FNIP1: variants seen among roughly 807,000 people sequenced by gnomAD.
FNIP1 encodes the protein folliculin interacting protein 1.
In FNIP1, 40 loss-of-function variants were observed where a neutral mutation model predicts 124.5. That is an observed-to-expected ratio of 0.32 (90% CI 0.25 to 0.42). The LOEUF (loss-of-function observed/expected upper bound fraction) is 0.42, where lower values mean the gene tolerates loss of function less well. Among genes scored for constraint, FNIP1 ranks in the 10% least tolerant of loss-of-function variants. The probability of loss-of-function intolerance (pLI) is 1.00; values close to 1 mark genes in which losing one functional copy is unlikely to be tolerated. For missense variants in FNIP1, 1,176 were observed against 1,403.7 expected (o/e 0.84, Z 2.59); for synonymous variants, 472 against 470.6 (o/e 1.00, Z -0.04).
intron 1 of FNIP1, among the ~76,000 whole-genome samples, chr5:131,775,834 A>G (rs1024480502): frequency 1.3e-5 from 2 of 152,032 alleles, no homozygotes; most frequent in African/African-American, 4.8e-5. Context: ...AGCCCTGTAG[A>G]GTTGTTTTGA....
intron 9 of FNIP1, among the ~76,000 whole-genome samples, chr5:131,705,598 T>C (rs1215445844): frequency 6.6e-6 from 1 of 152,060 alleles, no homozygotes; most frequent in East Asian, 1.9e-4. Context: ...TAAGTGCTGG[T>C]GAAGATATGG....
chr5:131,743,820 A>C (rs1770588183), intron 2 of FNIP1, among the ~76,000 whole-genome samples: 1 of 152,174 alleles, frequency 6.6e-6, no homozygotes, highest in Non-Finnish European at 1.5e-5. Flanking sequence ...GGAGAAACCA[A>C]AGTTTCTTGT....
intron 12 of FNIP1, among the ~76,000 whole-genome samples, chr5:131,678,677 T>C (rs928993119): frequency 1.6e-4 from 24 of 152,182 alleles, no homozygotes; most frequent in Non-Finnish European, 1.5e-5. Context: ...CCCAAAGTGC[T>C]GGGGTTACAG....
chr5:131,727,103 G>C (rs1416338029), intron 3 of FNIP1, among the ~76,000 whole-genome samples: 1 of 152,166 alleles, frequency 6.6e-6, no homozygotes, highest in African/African-American at 2.4e-5. Flanking sequence ...GTGATGTGTT[G>C]CTGAGAAGAA....
chr5:131,689,857 G>C (rs1768415867), intron 11 of FNIP1, among the ~76,000 whole-genome samples: 1 of 152,176 alleles, frequency 6.6e-6, no homozygotes, highest in African/African-American at 2.4e-5. Context: ...CCAGTTAAAA[G>C]GCAGAGAACC....
rs1768473443 is a variant in FNIP1 at position 131,691,319 on chromosome 5, A to G, written c.1202+7598T>C. 4.6e-5 allele frequency among the ~76,000 whole-genome samples: 7 copies of G among 152,344 alleles called. No individual in the cohort carries two copies. The South Asian group carries it at 1.4e-3, about 32-fold the overall frequency. ...AACTAAATGTGAATTCAACTTATCA[A>G]TACTTGTGAATGCAGCAAAAGGAGT... On this transcript the variant is annotated intron_variant, in intron 11 of 17. Coordinates refer to ENST00000510461, the MANE Select transcript of FNIP1 (RefSeq NM_133372.3).
At chr5:131,772,572 T>C (rs566845849) in intron 1 of FNIP1, among the ~76,000 whole-genome samples, 25 of 152,152 alleles carry the variant, frequency 1.6e-4, no homozygotes, top group Non-Finnish European at 3.4e-4. Context: ...AATTTCTCTA[T>C]CTTCTCCACC....
intron 17 of FNIP1, 121 bp downstream of exon 17, chr5:131,646,968 TA>T: frequency 1.3e-6 from 1 of 789,986 alleles, no homozygotes; most frequent in Non-Finnish European, 2.1e-6. Context: ...ACCTAAATGA[TA>T]ACAGCCTCCA....
At chr5:131,660,044 G>A (rs995273632) in intron 15 of FNIP1, among the ~76,000 whole-genome samples, 2 of 152,192 alleles carry the variant, frequency 1.3e-5, no homozygotes, top group Non-Finnish European at 2.9e-5. Context: ...CGGGGGCATC[G>A]TTGCCCGTGA....
Position 131,710,671 on chromosome 5 carries a change from A to G in FNIP1, c.623-10T>C. Reference sequence around the variant, plus strand: ...CAGAACTGTGAAAGACCTACATGGCAAAAACGTAAAATACACATGAAAGAG... The same window carrying G: ...CAGAACTGTGAAAGACCTACATGGCGAAAACGTAAAATACACATGAAAGAG... On this transcript the variant is annotated splice_polypyrimidine_tract_variant and intron_variant, in intron 6 of 17. Transcript: ENST00000510461. The G allele has an allele frequency of 6.2e-7, 1 of 1,612,280 alleles. No individual in the cohort carries two copies.
At chr5:131,739,837 A>AAAG (rs1561683746) in intron 2 of FNIP1, among the ~76,000 whole-genome samples, 2 of 150,146 alleles carry the variant, frequency 1.3e-5, no homozygotes, top group African/African-American at 4.9e-5. Context: ...AAAAAAAAAA[A>AAAG]CACTGTTTTA....
At chr5:131,738,718 C>G (rs1417305209) in intron 2 of FNIP1, among the ~76,000 whole-genome samples, 1 of 151,834 alleles carries the variant, frequency 6.6e-6, no homozygotes, top group African/African-American at 2.4e-5. Context: ...GTTGGCCAGG[C>G]TGGTCTTGAA....
rs910495470 is a variant in FNIP1 at position 131,668,091 on chromosome 5, T to G, written c.3108+2372A>C. 1.5e-3 allele frequency among the ~76,000 whole-genome samples: 225 copies of G among 152,326 alleles called. 1 individual carries two copies. Among genetic ancestry groups the G allele is most frequent in the Non-Finnish European group, 2.5e-4 (17 of 68,032 alleles). ...CGGACATAAAAGACTTAATTAAGAC[T>G]ATTATCTAAAGGTTATCTAACTTGA... On this transcript the variant is annotated intron_variant, in intron 15 of 17. Coordinates refer to ENST00000510461, the MANE Select transcript of FNIP1 (RefSeq NM_133372.3).
intron 11 of FNIP1, among the ~76,000 whole-genome samples, chr5:131,683,939 T>C (rs1263552223): frequency 1.3e-5 from 2 of 152,202 alleles, no homozygotes; most frequent in Non-Finnish European, 2.9e-5. Context: ...TTTAAGGATA[T>C]CTTATTTGAT....
intron 1 of FNIP1, among the ~76,000 whole-genome samples, chr5:131,760,960 G>C (rs1164769994): frequency 6.6e-6 from 1 of 152,088 alleles, no homozygotes; most frequent in African/African-American, 2.4e-5. Context: ...CGCGGCAAGA[G>C]CCAAGCCAAA....
chr5:131,671,847 A>T lies in FNIP1; in HGVS notation c.2597T>A (p.Met866Lys). 6.2e-7 allele frequency: 1 copy of T among 1,614,096 alleles called. No individual in the cohort carries two copies. Among genetic ancestry groups the T allele is most frequent in the Non-Finnish European group, 8.5e-7 (1 of 1,180,006 alleles). The change falls in exon 14 of 18, where the codon ATG (methionine) becomes AAG (lysine). Residue 866 changes from methionine (M) to lysine (K), a missense_variant. By Grantham distance (95) the Met-to-Lys change is moderately conservative (BLOSUM62 -1). Around this residue, in one of 2 missense-constraint regions of FNIP1, gnomAD observed 1,109 missense variants for 1,288.5 expected, o/e 0.86. Transcript: ENST00000510461. ...TSTDSKDHCC[M>K]LEFSKILCTK... ...ACACAATATTTTTGAAAACTCTAAC[A>T]TACAGCAATGGTCTTTACTATCTGT...
intron 1 of FNIP1, among the ~76,000 whole-genome samples, chr5:131,785,588 G>A (rs1772187605): frequency 6.6e-6 from 1 of 151,996 alleles, no homozygotes; most frequent in African/African-American, 2.4e-5. Flanking sequence ...AACAAGTAAC[G>A]AGCTTCACCA....
Position 131,710,612 on chromosome 5 carries a change from C to A in FNIP1, c.672G>T (p.Pro224=), listed in dbSNP as rs777013179. The A allele has an allele frequency of 6.2e-7, 1 of 1,613,988 alleles. No individual in the cohort carries two copies. The highest frequency in any genetic ancestry group is 1.7e-5 in the Admixed American group (1 of 59,978). Residue 224 remains proline (P), a synonymous_variant, in exon 7 of 18, where the codon CCG becomes CCT. Coordinates refer to ENST00000510461, the MANE Select transcript of FNIP1 (RefSeq NM_133372.3). ...SPRRAFSEQG[P]LRLIRSASFF... ...AAGAGGCGCTCCTGATCAGGCGGAG[C>A]GGACCCTGCTCAGAGAATGCCCGCC...
chr5:131,741,861 C>T (rs1190403532), intron 2 of FNIP1, among the ~76,000 whole-genome samples: 5 of 152,164 alleles, frequency 3.3e-5, no homozygotes, highest in Admixed American at 3.3e-4. Context: ...ATATTACTAT[C>T]TTCTACTCCT....
Sources: allele counts gnomAD v4.1 joint callset (sites outside exome capture counted in the v4.1 genomes callset), GRCh38; gene constraint gnomAD v4.1.1; regional missense constraint gnomAD v4.1.1; transcripts MANE v1.5; gene names NCBI Gene and HGNC (gene_info 2026-07-23, HGNC 2026-07-21).